Variants in ANKRD44 observed in about 807,000 individuals in gnomAD.
ANKRD44 encodes the protein serine/threonine-protein phosphatase 6 regulatory ankyrin repeat subunit B.
ANKRD44 carries 35 observed loss-of-function variants against 116.0 expected under a neutral mutation model. The ratio of observed to expected loss-of-function variants is 0.30; its 90% CI spans 0.23 to 0.40. The LOEUF (loss-of-function observed/expected upper bound fraction) is 0.40, where lower values mean the gene tolerates loss of function less well. Among genes scored for constraint, ANKRD44 ranks in the 10% least tolerant of loss-of-function variants. The pLI is 1.00. For missense variants in ANKRD44, 1,014 were observed against 1,242.6 expected (o/e 0.82, Z 2.77); for synonymous variants, 435 against 461.8 (o/e 0.94, Z 0.74).
intron 1 of ANKRD44, among the ~76,000 whole-genome samples, chr2:197,268,706 G>T (rs2082805817): frequency 6.6e-6 from 1 of 152,084 alleles, no homozygotes; most frequent in Non-Finnish European, 1.5e-5. Context: ...TAAGGAGGGG[G>T]TCTGTATGTC....
chr2:196,982,108 T>TTTTATATATATATATA (rs150861089), downstream of ANKRD44, among the ~76,000 whole-genome samples: 12,935 of 96,204 alleles, frequency 0.13, 1,674 homozygotes, highest in East Asian at 0.3. Flanking sequence ...CTAAAAAAAA[T>TTTTATATATATATATA]TATATATATA....
Position 197,278,442 on chromosome 2 carries a change from C to T in ANKRD44, c.27+32136G>A, listed in dbSNP as rs534395824. Among the ~76,000 whole-genome samples, 6 of 150,744 alleles carry T rather than the reference C, an allele frequency of 4.0e-5. No individual in the cohort carries two copies. The South Asian group carries it at 1.3e-3, about 32-fold the overall frequency. On this transcript the variant is annotated intron_variant, in intron 1 of 27. Coordinates refer to ENST00000282272, the MANE Select transcript of ANKRD44 (RefSeq NM_001195144.2). ...TGTGATCTCGGCTCACTGCAACCTC[C>T]ACCTCCCGGGTTCAAGCAATTCTCC... is the stretch of plus-strand genomic sequence containing the variant.
intron 2 of ANKRD44, among the ~76,000 whole-genome samples, chr2:197,161,180 T>C (rs1259489061): frequency 6.6e-6 from 1 of 152,108 alleles, no homozygotes. Context: ...CATTACAGAT[T>C]GACACGAGTG....
At position 197,308,162 on chromosome 2, in the gene ANKRD44, C is replaced by A. The variant is rs1347448916; in HGVS notation, c.27+2416G>T. Reference sequence around the variant, plus strand: ...TCAGAGTGAGACCCTGACACACACACACACACACACAAAAAAAAAAAAGGA... The same window carrying A: ...TCAGAGTGAGACCCTGACACACACAAACACACACACAAAAAAAAAAAAGGA... On this transcript the variant is annotated intron_variant, in intron 1 of 27. Transcript: ENST00000282272. Among the ~76,000 whole-genome samples the A allele has an allele frequency of 4.1e-5, 6 of 147,720 alleles. No individual in the cohort carries two copies. The South Asian group carries it at 1.3e-3, about 32-fold the overall frequency.
In ANKRD44 at chr2:196,998,894, A is replaced by G; in HGVS notation, c.2665+13T>C. 1 of 1,613,114 alleles carries G rather than the reference A, an allele frequency of 6.2e-7. No homozygotes were observed. The highest frequency in any genetic ancestry group is 8.5e-7 in the Non-Finnish European group (1 of 1,179,630). ...ATGGGCATAAGGGCAAAGTCCATACAACAAGCACATACCCACAGCGCCTGC... is the reference window on the plus strand; with the variant it reads ...ATGGGCATAAGGGCAAAGTCCATACGACAAGCACATACCCACAGCGCCTGC... On this transcript the variant is annotated intron_variant, in intron 24 of 27. Coordinates refer to ENST00000282272, the MANE Select transcript of ANKRD44 (RefSeq NM_001195144.2).
At chr2:197,276,206 T>C (rs1183840303) in intron 1 of ANKRD44, among the ~76,000 whole-genome samples, 2 of 138,078 alleles carry the variant, frequency 1.4e-5, no homozygotes, top group African/African-American at 2.7e-5. Context: ...ACCTGGGAGG[T>C]AGAAGTTGCA....
intron 16 of ANKRD44, among the ~76,000 whole-genome samples, chr2:197,060,219 G>T (rs2077281574): frequency 6.6e-6 from 1 of 152,116 alleles, no homozygotes; most frequent in Non-Finnish European, 1.5e-5. Flanking sequence ...TAAGCTCCCA[G>T]ATATAGCAGC....
chr2:197,230,733 A>G (rs1176758293), intron 1 of ANKRD44, among the ~76,000 whole-genome samples: 1 of 152,072 alleles, frequency 6.6e-6, no homozygotes, highest in Non-Finnish European at 1.5e-5. Flanking sequence ...TGGGAAGCAA[A>G]CTGGCACTGG....
intron 16 of ANKRD44, among the ~76,000 whole-genome samples, chr2:197,067,230 T>C (rs2077453712): frequency 6.6e-6 from 1 of 151,848 alleles, no homozygotes; most frequent in Non-Finnish European, 1.5e-5. Flanking sequence ...TGGCTAGCCA[T>C]ATGTAGAAAG....
rs778745473 is a variant in ANKRD44 at position 196,988,657 on chromosome 2, T to G, written c.*934A>C. On this transcript the variant is annotated 3_prime_UTR_variant, in exon 28 of 28. Coordinates refer to ENST00000282272, the MANE Select transcript of ANKRD44 (RefSeq NM_001195144.2). Reference sequence around the variant, plus strand: ...TATTTTTGAAATATCTCACATACACTATAAAATAGCAATTTCCAGGGTGGA... The same window carrying G: ...TATTTTTGAAATATCTCACATACACGATAAAATAGCAATTTCCAGGGTGGA... 133 of 985,164 alleles carry G rather than the reference T, an allele frequency of 1.4e-4. No homozygotes were observed. The highest frequency in any genetic ancestry group is 1.6e-4 in the Non-Finnish European group (129 of 829,798). The allele number at this position is 985,164 out of a possible 1,614,324, so 61.0% of individuals were successfully genotyped here. A position where few individuals can be genotyped will look rare whatever the true frequency, so the allele number is the denominator to read the frequency against.
chr2:197,268,626 A>G (rs2082803209), intron 1 of ANKRD44, among the ~76,000 whole-genome samples: 1 of 152,194 alleles, frequency 6.6e-6, no homozygotes, highest in African/African-American at 2.4e-5. Flanking sequence ...CTGATTCCAA[A>G]AGCTGATTCC....
intron 16 of ANKRD44, among the ~76,000 whole-genome samples, chr2:197,076,372 C>T (rs1213973831): frequency 6.6e-6 from 1 of 152,174 alleles, no homozygotes; most frequent in African/African-American, 2.4e-5. Context: ...GCTTTCCTAA[C>T]ATCTAATACC....
At chr2:197,007,349 TTC>T (rs2076219183) in intron 20 of ANKRD44, among the ~76,000 whole-genome samples, 1 of 152,190 alleles carries the variant, frequency 6.6e-6, no homozygotes, top group Non-Finnish European at 1.5e-5. Flanking sequence ...ATCTTCAGTA[TTC>T]TCTTTTTAAA....
chr2:197,306,225 T>C (rs1203813348), intron 1 of ANKRD44, among the ~76,000 whole-genome samples: 1 of 152,166 alleles, frequency 6.6e-6, no homozygotes, highest in Non-Finnish European at 1.5e-5. Context: ...TGCACTGCCC[T>C]TTCAACTATG....
chr2:197,097,623 A>C (rs1183230568), intron 10 of ANKRD44, among the ~76,000 whole-genome samples: 2 of 152,170 alleles, frequency 1.3e-5, no homozygotes, highest in Non-Finnish European at 2.9e-5. Context: ...GTCATCCCTC[A>C]GCCTCATCTT....
Position 197,125,988 on chromosome 2 carries a change from T to C in ANKRD44, c.311A>G (p.Asp104Gly). The change falls in exon 5 of 28, where the codon GAC becomes GGC. Residue 104 changes from aspartate (D) to glycine (G), a missense_variant. By Grantham distance (94) the Asp-to-Gly change is moderately conservative. Transcript: ENST00000282272. Reference protein sequence around the residue: ...IKHSADVNARDKNWQTPLHVA... With the variant: ...IKHSADVNARGKNWQTPLHVA... ...ATGAAGAGGGGTCTGCCAGTTCTTG[T>C]CCCTTGCATTGACATCAGCTGAGTG... The C allele has an allele frequency of 6.2e-7, 1 of 1,614,232 alleles. No homozygotes were observed. Among genetic ancestry groups the C allele is most frequent in the Non-Finnish European group, 8.5e-7 (1 of 1,180,048 alleles).
intron 21 of ANKRD44, among the ~76,000 whole-genome samples, chr2:196,967,693 A>G (rs369267304): frequency 6.6e-6 from 1 of 152,240 alleles, no homozygotes; most frequent in Non-Finnish European, 1.5e-5. Context: ...AATTTCATAC[A>G]ATGGCAACAA....
intron 12 of ANKRD44, among the ~76,000 whole-genome samples, chr2:197,087,494 T>C (rs145109861): frequency 3.5e-4 from 53 of 152,314 alleles, no homozygotes; most frequent in African/African-American, 1.1e-3. Flanking sequence ...GTCTGATATT[T>C]TTTAAATGTG....
chr2:197,266,570 A>G (rs2082747366), intron 1 of ANKRD44, among the ~76,000 whole-genome samples: 1 of 150,982 alleles, frequency 6.6e-6, no homozygotes, highest in Non-Finnish European at 1.5e-5. Context: ...ACTGAATGAC[A>G]GTCCCTAACC....
Sources: gnomAD v4.1 joint callset for allele counts (sites outside exome capture counted in the v4.1 genomes callset) on GRCh38, gnomAD v4.1.1 for gene constraint, MANE v1.5 for transcripts, NCBI Gene and HGNC (gene_info 2026-07-23, HGNC 2026-07-21) for gene names.